RAI1: variants seen among roughly 807,000 people sequenced by gnomAD.
RAI1 encodes retinoic acid induced 1, also known as retinoic acid-induced protein 1.
A neutral mutation model predicts 123.8 loss-of-function variants in RAI1; 9 were observed. The ratio of observed to expected loss-of-function variants is 0.07; its 90% CI spans 0.04 to 0.13. RAI1 has a LOEUF of 0.13. RAI1 is among the 10% of genes least tolerant of loss of function. RAI1 has a pLI of 1.00. For synonymous variants in RAI1, 1,231 were observed against 1,127.3 expected (o/e 1.09, Z -1.84); for missense variants, 2,256 against 2,545.8 (o/e 0.89, Z 2.45).
intron 1 of RAI1, among the ~76,000 whole-genome samples, chr17:17,720,554 C>A (rs1303940325): frequency 6.6e-6 from 1 of 152,196 alleles, no homozygotes; most frequent in Non-Finnish European, 1.5e-5. Context: ...GTAAGCAAGG[C>A]TTTGGGGTCC....
At chr17:17,736,048 G>C (rs1916423099) in intron 2 of RAI1, among the ~76,000 whole-genome samples, 1 of 152,172 alleles carries the variant, frequency 6.6e-6, no homozygotes, top group Non-Finnish European at 1.5e-5. Context: ...ACTTGTGCGG[G>C]TGGGGCTTCA....
intron 2 of RAI1, chr17:17,770,780 A>G (rs2142995072): frequency 6.6e-6 from 1 of 152,392 alleles, no homozygotes; most frequent in Admixed American, 6.5e-5. Context: ...TGCTGTCATT[A>G]GCCAAGCACT....
At chr17:17,761,715 C>T (rs1042270666) in intron 2 of RAI1, among the ~76,000 whole-genome samples, 11 of 152,152 alleles carry the variant, frequency 7.2e-5, no homozygotes, top group Non-Finnish European at 7.4e-5. Context: ...GTCATTGTTG[C>T]TGGGCATGAA....
At position 17,809,284 on chromosome 17, in the gene RAI1, C is replaced by T; in HGVS notation, c.5660-106C>T. 1.0e-6 allele frequency: 1 copy of T among 962,670 alleles called. No individual in the cohort carries two copies. Among genetic ancestry groups the T allele is most frequent in the Non-Finnish European group, 1.7e-6 (1 of 589,532 alleles). 59.6% of individuals were successfully genotyped at this position (962,670 alleles called of 1,614,324 possible). ...ACTCTTTGAAAAGAGCCCCTGCAGT[C>T]TGGAGCCTCGCGGGCAGTGCGGCTC... is the stretch of plus-strand genomic sequence containing the variant. On this transcript the variant is annotated intron_variant, in intron 4 of 5. Coordinates refer to ENST00000353383, the MANE Select transcript of RAI1 (RefSeq NM_030665.4). This position sits in a 1 kb window ranked among gnomAD's most constrained non-coding sequence, Gnocchi z 4.9.
Position 17,795,687 on chromosome 17 carries a change from C to G in RAI1, c.2739C>G (p.Gly913=). Residue 913 remains glycine, a synonymous_variant, in exon 3 of 6, where the codon GGC becomes GGG. Coordinates refer to ENST00000353383, the MANE Select transcript of RAI1 (RefSeq NM_030665.4). This position sits in a 1 kb window ranked among gnomAD's most constrained non-coding sequence, Gnocchi z 5.9. ...AGGAGGTGCTGGACTCCAAGGCCGG[C>G]TGGGGCTCTCCGTGCCACCTCTCAG... is the stretch of plus-strand genomic sequence containing the variant. ...EVEEVLDSKA[G]WGSPCHLSGE... is the part of the protein sequence containing the mutation. 1.2e-6 allele frequency: 2 copies of G among 1,613,336 alleles called. No homozygotes were observed. Among genetic ancestry groups the G allele is most frequent in the Non-Finnish European group, 1.7e-6 (2 of 1,180,000 alleles).
At chr17:17,732,470 G>A (rs1382452611) in intron 2 of RAI1, among the ~76,000 whole-genome samples, 1 of 152,158 alleles carries the variant, frequency 6.6e-6, no homozygotes, top group Non-Finnish European at 1.5e-5. Context: ...GTCACCTGTT[G>A]TGTGATGCCA....
intron 2 of RAI1, among the ~76,000 whole-genome samples, chr17:17,735,638 T>C (rs1248268980): frequency 6.6e-6 from 1 of 152,210 alleles, no homozygotes; most frequent in African/African-American, 2.4e-5. Context: ...AATACAGGCG[T>C]GAGCCACCGT....
intron 2 of RAI1, among the ~76,000 whole-genome samples, chr17:17,788,244 A>T (rs1309056207): frequency 6.6e-6 from 1 of 152,100 alleles, no homozygotes; most frequent in Non-Finnish European, 1.5e-5. Flanking sequence ...AGGGTCCTCC[A>T]TCTGCCCGAA....
intron 4 of RAI1, among the ~76,000 whole-genome samples, chr17:17,805,928 A>G (rs1456492562): frequency 3.3e-5 from 5 of 152,172 alleles, no homozygotes; most frequent in African/African-American, 4.8e-5. Flanking sequence ...GTTTCCAGCC[A>G]TCTTCACAGA....
intron 2 of RAI1, among the ~76,000 whole-genome samples, chr17:17,744,335 T>C (rs1338092149): frequency 6.6e-6 from 1 of 152,200 alleles, no homozygotes; most frequent in Admixed American, 6.5e-5. Context: ...TCCAGCCATT[T>C]CTGTACCCTC....
At chr17:17,776,625 G>A (rs1300041923) in intron 2 of RAI1, 1 of 149,966 alleles carries the variant, frequency 6.7e-6, no homozygotes, top group Non-Finnish European at 1.5e-5. Flanking sequence ...CAAAGTGCTG[G>A]GATTATAGGC....
chr17:17,766,738 A>G lies in RAI1; in HGVS notation c.-16-26195A>G, dbSNP rs199834004. Among the ~76,000 whole-genome samples the G allele has an allele frequency of 5.9e-5, 9 of 152,348 alleles. No homozygotes were observed. In the East Asian group the frequency reaches 1.5e-3, roughly 26 times the overall value. ...ACAGGCGGCGGCACTGTTAGGCCCCATGTGATGGCCACAGCCTGGCACAGG... is the reference window on the plus strand; with the variant it reads ...ACAGGCGGCGGCACTGTTAGGCCCCGTGTGATGGCCACAGCCTGGCACAGG... On this transcript the variant is annotated intron_variant, in intron 2 of 5. Coordinates refer to ENST00000353383, the MANE Select transcript of RAI1 (RefSeq NM_030665.4).
At chr17:17,789,119 G>A (rs1045009999) in intron 2 of RAI1, among the ~76,000 whole-genome samples, 3 of 152,240 alleles carry the variant, frequency 2.0e-5, no homozygotes, top group Non-Finnish European at 4.4e-5. Flanking sequence ...CTTGCATCCT[G>A]CTCCAAGAGA....
chr17:17,732,243 T>C (rs1468027010), intron 2 of RAI1, among the ~76,000 whole-genome samples: 2 of 152,156 alleles, frequency 1.3e-5, no homozygotes, highest in African/African-American at 4.8e-5. Flanking sequence ...CTGGGCTGTG[T>C]TGGGAGCGTT....
rs750119897 is a variant in RAI1 at position 17,794,460 on chromosome 17, G to A, written c.1512G>A (p.Thr504=). ...CGCTGTCAGAGCCGCCGAGCAGCAC[G>A]CCACAGTCCACGCATGCGGAGCCGC... The part of the protein sequence containing the change: ...GTPLSEPPSS[T]PQSTHAEPQE... Residue 504 remains threonine (T), a synonymous_variant, in exon 3 of 6, where the codon ACG becomes ACA. Transcript: ENST00000353383. 1.1e-5 allele frequency: 18 copies of A among 1,612,320 alleles called. No individual in the cohort carries two copies. The highest frequency in any genetic ancestry group is 1.4e-5 in the Non-Finnish European group (16 of 1,179,800).
Position 17,803,381 on chromosome 17 carries a change from G to GT in RAI1, c.5566-367dup, listed in dbSNP as rs371643312. On this transcript the variant is annotated intron_variant, in intron 3 of 5. Transcript: ENST00000353383. ...CAGCCAGCCTGTACAGGTTTTTTGT[G>GT]TTTTTTTTGTTTGTTTGTTTGTTTG... Among the ~76,000 whole-genome samples the GT allele has an allele frequency of 4.9e-3, 741 of 150,946 alleles. 4 individuals carry two copies. Among genetic ancestry groups the GT allele is most frequent in the African/African-American group, 0.016 (631 of 40,430 alleles).
At chr17:17,790,664 A>C (rs927533510) in intron 2 of RAI1, among the ~76,000 whole-genome samples, 1 of 152,276 alleles carries the variant, frequency 6.6e-6, no homozygotes, top group Non-Finnish European at 1.5e-5. Flanking sequence ...TGATATCCAC[A>C]GGACACTCAG....
intron 1 of RAI1, among the ~76,000 whole-genome samples, chr17:17,703,459 G>A (rs1014924147): frequency 5.3e-5 from 8 of 152,278 alleles, no homozygotes; most frequent in South Asian, 2.1e-4. Flanking sequence ...TTCTTGTAGC[G>A]TCGGGAGCAG....
intron 2 of RAI1, among the ~76,000 whole-genome samples, chr17:17,755,335 G>A (rs1032658552): frequency 6.6e-6 from 1 of 152,224 alleles, no homozygotes; most frequent in Non-Finnish European, 1.5e-5. Flanking sequence ...TGGATGGGGC[G>A]GGAGTGATGC....
Sources: gnomAD v4.1 joint callset for allele counts (sites outside exome capture counted in the v4.1 genomes callset) on GRCh38, gnomAD v4.1.1 for gene constraint, Gnocchi (gnomAD v3.1) non-coding constraint, MANE v1.5 for transcripts, NCBI Gene and HGNC (gene_info 2026-07-23, HGNC 2026-07-21) for gene names.